DDR2: variants seen among roughly 807,000 people sequenced by gnomAD.
DDR2 encodes the protein discoidin domain-containing receptor 2.
A neutral mutation model predicts 94.9 loss-of-function variants in DDR2; 27 were observed. The observed-to-expected ratio is 0.28, with a 90% confidence interval of 0.21 to 0.39. The LOEUF (loss-of-function observed/expected upper bound fraction) is 0.39. Among genes scored for constraint, DDR2 ranks in the 10% least tolerant of loss-of-function variants. DDR2 has a pLI of 1.00. For synonymous variants in DDR2, 382 were observed against 377.2 expected (o/e 1.01, Z -0.15); for missense variants, 783 against 1,076.0 (o/e 0.73, Z 3.81).
intron 2 of DDR2, among the ~76,000 whole-genome samples, chr1:162,674,484 GA>G (rs1558019624): frequency 6.6e-6 from 1 of 152,212 alleles, no homozygotes; most frequent in Non-Finnish European, 1.5e-5. Flanking sequence ...ATGAATTAAT[GA>G]ATGAATAACA....
At chr1:162,723,708 T>A (rs1661526150) in intron 3 of DDR2, among the ~76,000 whole-genome samples, 1 of 152,160 alleles carries the variant, frequency 6.6e-6, no homozygotes, top group African/African-American at 2.4e-5. Flanking sequence ...GGGAGAAACA[T>A]CTCTTCTTCT....
intron 3 of DDR2, among the ~76,000 whole-genome samples, chr1:162,727,417 T>C (rs1661744390): frequency 6.9e-6 from 1 of 145,366 alleles, no homozygotes; most frequent in African/African-American, 2.5e-5. Flanking sequence ...TTTATGTAAG[T>C]ATATTTATGT....
At chr1:162,723,596 G>A (rs1015718586) in intron 3 of DDR2, among the ~76,000 whole-genome samples, 1 of 152,126 alleles carries the variant, frequency 6.6e-6, no homozygotes, top group Non-Finnish European at 1.5e-5. Context: ...GAAGCCCTGG[G>A]ACCCACCCAG....
chr1:162,679,734 G>A (rs1037015717), intron 2 of DDR2, among the ~76,000 whole-genome samples: 7 of 151,764 alleles, frequency 4.6e-5, no homozygotes, highest in Non-Finnish European at 8.8e-5. Flanking sequence ...TTCCACAATC[G>A]CTGAACTAAT....
chr1:162,736,201 C>T (rs1662290118), intron 3 of DDR2, among the ~76,000 whole-genome samples: 2 of 152,206 alleles, frequency 1.3e-5, no homozygotes, highest in South Asian at 2.1e-4. Flanking sequence ...ACAGGAGGCT[C>T]ACAAACATGT....
At chr1:162,758,962 T>C (rs1434459451) in intron 7 of DDR2, among the ~76,000 whole-genome samples, 2 of 152,138 alleles carry the variant, frequency 1.3e-5, no homozygotes, top group Non-Finnish European at 2.9e-5. Flanking sequence ...GTTCTCTAAG[T>C]AGTCAAATAA....
chr1:162,642,019 C>T lies in DDR2; in HGVS notation c.-192+9388C>T, dbSNP rs185049054. Among the ~76,000 whole-genome samples the T allele has an allele frequency of 1.9e-3, 285 of 152,160 alleles. 4 individuals are homozygous for T. In the East Asian group the frequency reaches 0.043, roughly 23 times the overall value. ...AGGCTAGAGTGCAGTGGCGGGATCTCGGATCACTGCAACCTCTGCCTCCTG... is the reference window on the plus strand; with the variant it reads ...AGGCTAGAGTGCAGTGGCGGGATCTTGGATCACTGCAACCTCTGCCTCCTG... On this transcript the variant is annotated intron_variant, in intron 1 of 17. Transcript: ENST00000367921.
intron 2 of DDR2, among the ~76,000 whole-genome samples, chr1:162,696,505 A>G (rs907861337): frequency 5.3e-5 from 8 of 151,144 alleles, no homozygotes; most frequent in African/African-American, 1.7e-4. Context: ...ATATTTCATG[A>G]GCTCCAGGCT....
chr1:162,695,629 G>C (rs1660153829), intron 2 of DDR2, among the ~76,000 whole-genome samples: 1 of 152,204 alleles, frequency 6.6e-6, no homozygotes, highest in Admixed American at 6.5e-5. Context: ...AAGTTGAGCA[G>C]GGACTTAAAA....
rs767833662 is a variant in DDR2, at chr1:162,755,121, AC to A, written c.418-33del. The stretch of plus-strand genomic sequence containing the variant: ...TGAAGAAAAGTGAGCATGATTTAAT[AC>A]CACCTCTTCACTCATTCTCTTCTCT... On this transcript the variant is annotated intron_variant, in intron 5 of 17. Coordinates refer to ENST00000367921, the MANE Select transcript of DDR2 (RefSeq NM_006182.4). The A allele has an allele frequency of 5.0e-6, 8 of 1,613,662 alleles. No individual in the cohort carries two copies. The Admixed American group carries it at 8.3e-5, about 17-fold the overall frequency.
At chr1:162,704,388 T>G (rs926008165) in intron 2 of DDR2, among the ~76,000 whole-genome samples, 1 of 152,192 alleles carries the variant, frequency 6.6e-6, no homozygotes, top group Non-Finnish European at 1.5e-5. Context: ...TGTCCATGTG[T>G]GGAGTTGCTT....
rs1217989077 is a variant in DDR2 at position 162,728,120 on chromosome 1, TA to T, written c.82+8977del. On this transcript the variant is annotated intron_variant, in intron 3 of 17. Transcript: ENST00000367921. Reference sequence around the variant, plus strand: ...CACTATATATATCTATATATAGATATAATCACACTATATATATCTATATATA... The same window carrying T: ...CACTATATATATCTATATATAGATATATCACACTATATATATCTATATATA... Among the ~76,000 whole-genome samples the T allele has an allele frequency of 1.6e-3, 224 of 143,314 alleles. 3 individuals are homozygous for T. The highest frequency in any genetic ancestry group is 8.1e-3 in the East Asian group (39 of 4,808). 94.0% of individuals were successfully genotyped at this position (143,314 alleles called of 152,430 possible).
At chr1:162,734,958 A>C (rs1008348682) in intron 3 of DDR2, among the ~76,000 whole-genome samples, 1 of 152,216 alleles carries the variant, frequency 6.6e-6, no homozygotes, top group African/African-American at 2.4e-5. Flanking sequence ...AAGGCATTAT[A>C]GTGGCTCAGA....
chr1:162,656,039 A>G (rs183698236), intron 2 of DDR2, among the ~76,000 whole-genome samples: 3 of 152,352 alleles, frequency 2.0e-5, no homozygotes, highest in African/African-American at 7.2e-5. Context: ...CCATTTCCAC[A>G]TATCAAGGTG....
At chr1:162,769,495 A>G (rs1171351540) in intron 11 of DDR2, among the ~76,000 whole-genome samples, 1 of 152,218 alleles carries the variant, frequency 6.6e-6, no homozygotes, top group Admixed American at 6.5e-5. Context: ...CATGCTTAGT[A>G]CTGGGGATAT....
chr1:162,648,508 GTGT>G (rs1185841379), intron 1 of DDR2, among the ~76,000 whole-genome samples: 5 of 152,170 alleles, frequency 3.3e-5, no homozygotes, highest in African/African-American at 1.2e-4. Context: ...AGCCGGTGAA[GTGT>G]TGTCTTAAGA....
chr1:162,736,089 C>A (rs140207775), intron 3 of DDR2, among the ~76,000 whole-genome samples: 1 of 152,308 alleles, frequency 6.6e-6, no homozygotes, highest in South Asian at 2.1e-4. Context: ...GACCTGGGAG[C>A]AGTGGCTCCA....
intron 2 of DDR2, among the ~76,000 whole-genome samples, chr1:162,700,529 C>T (rs972757947): frequency 6.6e-6 from 1 of 152,144 alleles, no homozygotes; most frequent in Non-Finnish European, 1.5e-5. Context: ...GAGTGCTGAG[C>T]CTTCAGCATT....
chr1:162,700,646 T>C (rs1001951427), intron 2 of DDR2, among the ~76,000 whole-genome samples: 13 of 152,194 alleles, frequency 8.5e-5, no homozygotes, highest in Non-Finnish European at 1.6e-4. Context: ...GTCATCCTTT[T>C]ACTACACATG....
Sources: allele counts gnomAD v4.1 joint callset (sites outside exome capture counted in the v4.1 genomes callset), GRCh38; gene constraint gnomAD v4.1.1; transcripts MANE v1.5; gene names NCBI Gene and HGNC (gene_info 2026-07-23, HGNC 2026-07-21).